The following ANKS1B variants were observed in gnomAD, a reference collection of about 807,000 sequenced individuals.
ANKS1B encodes the protein ankyrin repeat and sterile alpha motif domain-containing protein 1B.
In ANKS1B, 36 loss-of-function variants were observed where a neutral mutation model predicts 148.3. The ratio of observed to expected loss-of-function variants is 0.24; its 90% CI spans 0.19 to 0.32. ANKS1B has a LOEUF of 0.32. Among genes scored for constraint, ANKS1B ranks in the 10% least tolerant of loss-of-function variants. The pLI is 1.00. For missense variants in ANKS1B, 1,157 were observed against 1,542.6 expected (o/e 0.75, Z 4.19); for synonymous variants, 542 against 560.8 (o/e 0.97, Z 0.47).
chr12:98,736,104 T>A (rs1478060743), intron 9 of ANKS1B, among the ~76,000 whole-genome samples: 1 of 152,172 alleles, frequency 6.6e-6, no homozygotes, highest in African/African-American at 2.4e-5. Context: ...GGAGGCTGCC[T>A]CTTAGGCCAC....
chr12:98,918,020 G>A (rs982521265), intron 17 of ANKS1B, among the ~76,000 whole-genome samples: 5 of 152,150 alleles, frequency 3.3e-5, no homozygotes, highest in South Asian at 2.1e-4. Flanking sequence ...GGCTATTTAT[G>A]TTCACTGCAA....
chr12:98,791,662 ATCC>A (rs1486160949), intron 22 of ANKS1B, among the ~76,000 whole-genome samples: 1 of 152,164 alleles, frequency 6.6e-6, no homozygotes, highest in African/African-American at 2.4e-5. Flanking sequence ...GGTTGAAGTG[ATCC>A]TCCTGACTCA....
At chr12:99,910,998 C>T (rs932184042) in intron 1 of ANKS1B, among the ~76,000 whole-genome samples, 1 of 152,150 alleles carries the variant, frequency 6.6e-6, no homozygotes, top group Non-Finnish European at 1.5e-5. Context: ...CTTACAAAGT[C>T]ACCAAATAAT....
chr12:99,805,263 C>CAAAAAAAAAAAAAAAAA lies in ANKS1B; in HGVS notation c.669+1124_669+1140dup, dbSNP rs58248573. Among the ~76,000 whole-genome samples the CAAAAAAAAAAAAAAAAA allele has an allele frequency of 6.9e-4, 20 of 28,914 alleles. 3 individuals are homozygous for CAAAAAAAAAAAAAAAAA. The highest frequency in any genetic ancestry group is 1.2e-3 in the East Asian group (1 of 802). The allele number at this position is 28,914 out of a possible 152,430, so 19.0% of individuals were successfully genotyped here. A position where few individuals can be genotyped will look rare whatever the true frequency, so the allele number is the denominator to read the frequency against. On this transcript the variant is annotated intron_variant, in intron 4 of 26. Transcript: ENST00000683438. The stretch of plus-strand genomic sequence containing the variant: ...AAATAACCATGAAAGGAGGAAAAGG[C>CAAAAAAAAAAAAAAAAA]AAAAAAAAAAAAAAAAAAAAAAAAA...
At chr12:99,959,550 A>T (rs2095378534) in intron 1 of ANKS1B, among the ~76,000 whole-genome samples, 2 of 152,210 alleles carry the variant, frequency 1.3e-5, no homozygotes, top group African/African-American at 2.4e-5. Context: ...AAACTTTAAC[A>T]GAGGTAAGTA....
intron 12 of ANKS1B, among the ~76,000 whole-genome samples, chr12:99,335,720 T>C (rs906899249): frequency 3.3e-5 from 5 of 152,132 alleles, no homozygotes. Flanking sequence ...TGTGTATAAG[T>C]GCCACATTTT....
At chr12:99,264,000 A>G (rs185501648) in intron 12 of ANKS1B, among the ~76,000 whole-genome samples, 49 of 152,258 alleles carry the variant, frequency 3.2e-4, no homozygotes, top group African/African-American at 1.2e-3. Context: ...TCAAGTTCAA[A>G]TCCATTGCCC....
chr12:98,925,796 A>C (rs1227230963), intron 17 of ANKS1B, among the ~76,000 whole-genome samples: 1 of 152,162 alleles, frequency 6.6e-6, no homozygotes, highest in East Asian at 1.9e-4. Context: ...AACCTGTCTG[A>C]AAGTTCCTTA....
intron 15 of ANKS1B, among the ~76,000 whole-genome samples, chr12:99,124,130 T>C (rs186479018): frequency 6.6e-6 from 1 of 152,228 alleles, no homozygotes; most frequent in East Asian, 1.9e-4. Context: ...ACATCTACTT[T>C]AGGAAAAATT....
intron 14 of ANKS1B, among the ~76,000 whole-genome samples, chr12:99,243,549 A>T (rs1226613570): frequency 5.3e-5 from 8 of 152,352 alleles, no homozygotes; most frequent in African/African-American, 1.7e-4. Flanking sequence ...AGGATCATAA[A>T]TCATGTTACT....
intron 1 of ANKS1B, among the ~76,000 whole-genome samples, chr12:99,848,810 A>G (rs1273817208): frequency 1.3e-5 from 2 of 150,616 alleles, no homozygotes; most frequent in African/African-American, 5.0e-5. Context: ...TCAATGGTGG[A>G]TTGCATTTAA....
chr12:99,420,691 T>C (rs1233600781), intron 11 of ANKS1B, among the ~76,000 whole-genome samples: 1 of 152,174 alleles, frequency 6.6e-6, no homozygotes, highest in Admixed American at 6.5e-5. Flanking sequence ...TATAAGTATA[T>C]AAAGCAAGTG....
At chr12:99,211,973 T>C (rs1275821463) in intron 14 of ANKS1B, among the ~76,000 whole-genome samples, 2 of 152,168 alleles carry the variant, frequency 1.3e-5, no homozygotes, top group African/African-American at 4.8e-5. Context: ...ATGCTAGCTC[T>C]CTCAGTAGTT....
intron 8 of ANKS1B, among the ~76,000 whole-genome samples, chr12:99,738,365 A>C (rs2059800215): frequency 6.6e-6 from 1 of 152,180 alleles, no homozygotes. Context: ...AAGTCTTCCA[A>C]GTCACATTTA....
At chr12:99,882,438 C>T (rs2092573986) in intron 1 of ANKS1B, among the ~76,000 whole-genome samples, 1 of 151,976 alleles carries the variant, frequency 6.6e-6, no homozygotes, top group Non-Finnish European at 1.5e-5. Context: ...AAGAATAAAC[C>T]CCAAAATACC....
At chr12:99,511,317 GCTA>G (rs1310512715) in intron 9 of ANKS1B, among the ~76,000 whole-genome samples, 1 of 151,980 alleles carries the variant, frequency 6.6e-6, no homozygotes, top group East Asian at 1.9e-4. Context: ...ATTCACAACT[GCTA>G]CTAAGAGAGC....
At chr12:98,739,947 A>T (rs1176625805), downstream of ANKS1B, among the ~76,000 whole-genome samples, 1 of 151,872 alleles carries the variant, frequency 6.6e-6, no homozygotes, top group Non-Finnish European at 1.5e-5. Context: ...CCTTATGGCC[A>T]TTGGCTTTTA....
intron 8 of ANKS1B, among the ~76,000 whole-genome samples, chr12:99,767,695 C>T (rs2062782701): frequency 6.6e-6 from 1 of 151,868 alleles, no homozygotes; most frequent in Non-Finnish European, 1.5e-5. Context: ...TATATAATGT[C>T]CTAATTCAAC....
At position 99,443,743 on chromosome 12, in the gene ANKS1B, G is replaced by A. The variant is rs2095588154; in HGVS notation, c.1505C>T (p.Pro502Leu). ...TSNHRNSSTG[P>L]TPDCSPPSPD... ...GGATGGAGGTGAACAATCAGGTGTT[G>A]GGCCTGTTGAGCTGTTTCTATGGTT... is the stretch of plus-strand genomic sequence containing the variant. The change falls in exon 11 of 27, where the codon CCA becomes CTA. Residue 502 changes from proline (P) to leucine (L), a missense_variant. Around this residue, in one of 6 missense-constraint regions of ANKS1B, gnomAD observed 661 missense variants for 642.1 expected, o/e 1.03. Transcript: ENST00000683438. The A allele has an allele frequency of 1.9e-6, 3 of 1,612,334 alleles. No individual in the cohort carries two copies. The highest frequency in any genetic ancestry group is 1.3e-5 in the African/African-American group (1 of 74,874).
Sources: gnomAD v4.1 joint callset for allele counts (sites outside exome capture counted in the v4.1 genomes callset) on GRCh38, gnomAD v4.1.1 for gene constraint, gnomAD v4.1.1 regional missense constraint, MANE v1.5 for transcripts, NCBI Gene and HGNC (gene_info 2026-07-23, HGNC 2026-07-21) for gene names.